The following STARD13 variants were observed in gnomAD, a reference collection of about 807,000 sequenced individuals.
STARD13 encodes stAR-related lipid transfer protein 13.
Under a neutral mutation model 106.4 loss-of-function variants are expected in STARD13, and 62 were observed. The ratio of observed to expected loss-of-function variants is 0.58; its 90% CI spans 0.48 to 0.72. The LOEUF is 0.72. Among genes scored for constraint, STARD13 ranks in the 30% least tolerant of loss-of-function variants. STARD13 has a pLI of 0.00. For missense variants in STARD13, 1,387 were observed against 1,424.0 expected, an observed-to-expected ratio of 0.97 and a Z score of 0.42; for synonymous variants, 565 against 553.0, an observed-to-expected ratio of 1.02 and a Z score of -0.31.
the STARD13 span, among the ~76,000 whole-genome samples, chr13:33,657,228 C>A: frequency 5.3e-5 from 8 of 152,316 alleles, no homozygotes; most frequent in East Asian, 1.5e-3. Context: ...AGAGATTGTG[C>A]CACTGCACTC....
the STARD13 span, among the ~76,000 whole-genome samples, chr13:33,361,330 T>C: frequency 6.0e-5 from 2 of 33,362 alleles, no homozygotes; most frequent in Non-Finnish European, 4.3e-3. Flanking sequence ...TGAAAGAATA[T>C]AATATATAAT....
the STARD13 span, chr13:33,439,727 G>A: frequency 8.0e-7 from 1 of 1,249,898 alleles, no homozygotes; most frequent in African/African-American, 1.6e-5. Flanking sequence ...GAGAGCACCT[G>A]TAAAAAAACA....
the STARD13 span, among the ~76,000 whole-genome samples, chr13:33,670,162 G>C: frequency 1.3e-5 from 2 of 152,160 alleles, no homozygotes; most frequent in African/African-American, 2.4e-5. Flanking sequence ...ATGAGACTAC[G>C]ATACAGGCTG....
chr13:33,294,768 T>C (rs1372458382), intron 1 of STARD13, among the ~76,000 whole-genome samples: 1 of 152,224 alleles, frequency 6.6e-6, no homozygotes, highest in Non-Finnish European at 1.5e-5. Flanking sequence ...TTACTTCAGG[T>C]AGGATTCTAT....
chr13:33,188,730 A>C (rs1885989722), intron 1 of STARD13, among the ~76,000 whole-genome samples: 2 of 152,240 alleles, frequency 1.3e-5, no homozygotes, highest in African/African-American at 4.8e-5. Flanking sequence ...TGCATTGAAA[A>C]AGCAGTTTGG....
chr13:33,116,264 C>T (rs533312489), intron 8 of STARD13, among the ~76,000 whole-genome samples: 125 of 152,324 alleles, frequency 8.2e-4, no homozygotes, highest in African/African-American at 2.9e-3. Context: ...AAATGTGTTC[C>T]TCACATATCT....
rs186934300 is a variant in STARD13, at chr13:33,134,856, C to T, written c.388-4567G>A. Among the ~76,000 whole-genome samples, 533 of 152,290 alleles carry T rather than the reference C, an allele frequency of 3.5e-3. 3 individuals carry two copies. The highest frequency in any genetic ancestry group is 0.012 in the African/African-American group (498 of 41,566). On this transcript the variant is annotated intron_variant, in intron 4 of 13. Transcript: ENST00000336934. ...CAATTACAGGATCTTCAGGATAAAACGAACATAGTTCAACAGCCCTTCCTG... is the reference window on the plus strand; with the variant it reads ...CAATTACAGGATCTTCAGGATAAAATGAACATAGTTCAACAGCCCTTCCTG...
At chr13:33,563,065 T>C in the STARD13 span, among the ~76,000 whole-genome samples, 1 of 146,826 alleles carries the variant, frequency 6.8e-6, no homozygotes, top group Admixed American at 7.0e-5. Context: ...CAGGGAAAAC[T>C]ATAAAACACT....
At chr13:33,208,270 C>A (rs906689531) in intron 1 of STARD13, among the ~76,000 whole-genome samples, 1 of 152,134 alleles carries the variant, frequency 6.6e-6, no homozygotes, top group African/African-American at 2.4e-5. Flanking sequence ...GTGGGAGAAT[C>A]TAGAAAACAT....
At chr13:33,344,994 C>G (rs895698834), downstream of STARD13, among the ~76,000 whole-genome samples, 2 of 152,150 alleles carry the variant, frequency 1.3e-5, no homozygotes, top group Non-Finnish European at 2.9e-5. Flanking sequence ...ATGCTTCTGC[C>G]TAAAGAATTT....
chr13:33,624,168 A>C, the STARD13 span, among the ~76,000 whole-genome samples: 1 of 152,234 alleles, frequency 6.6e-6, no homozygotes, highest in African/African-American at 2.4e-5. Context: ...TACTTTATTC[A>C]TAATAGTTAT....
chr13:33,198,476 T>G (rs1269960111), intron 1 of STARD13, among the ~76,000 whole-genome samples: 1 of 152,094 alleles, frequency 6.6e-6, no homozygotes, highest in East Asian at 1.9e-4. Context: ...TTCCCTCAAG[T>G]TCTTTCTCCA....
chr13:33,457,331 A>G, the STARD13 span, among the ~76,000 whole-genome samples: 1 of 152,240 alleles, frequency 6.6e-6, no homozygotes. Context: ...AGCAATGCCA[A>G]GTTTCAGTGG....
chr13:33,537,339 C>T, the STARD13 span, among the ~76,000 whole-genome samples: 1 of 152,240 alleles, frequency 6.6e-6, no homozygotes, highest in Non-Finnish European at 1.5e-5. Flanking sequence ...CAAGTTATGA[C>T]TAACATTCCC....
At chr13:33,538,806 G>A in the STARD13 span, among the ~76,000 whole-genome samples, 7 of 147,450 alleles carry the variant, frequency 4.7e-5, no homozygotes, top group South Asian at 1.5e-3. Context: ...GTCTGGCTCT[G>A]TGACCCAGGC....
the STARD13 span, among the ~76,000 whole-genome samples, chr13:33,526,764 T>C: frequency 1.3e-5 from 2 of 152,088 alleles, no homozygotes; most frequent in East Asian, 3.9e-4. Context: ...CTTTTAAAAG[T>C]GTGTGGCACA....
At chr13:33,383,857 C>G in the STARD13 span, among the ~76,000 whole-genome samples, 1 of 149,830 alleles carries the variant, frequency 6.7e-6, no homozygotes, top group African/African-American at 2.5e-5. Flanking sequence ...TTTTCTCCTT[C>G]GTGAGTTTGT....
chr13:33,666,223 A>G, the STARD13 span, among the ~76,000 whole-genome samples: 1 of 152,218 alleles, frequency 6.6e-6, no homozygotes, highest in Admixed American at 6.5e-5. Flanking sequence ...TTGTTGTTTT[A>G]ATGTTACTAA....
At chr13:33,604,323 A>G in the STARD13 span, among the ~76,000 whole-genome samples, 2 of 152,236 alleles carry the variant, frequency 1.3e-5, no homozygotes, top group Non-Finnish European at 2.9e-5. Context: ...ATGTAGTACA[A>G]TTAATGCCAA....
Sources: gnomAD v4.1 joint callset for allele counts (sites outside exome capture counted in the v4.1 genomes callset) on GRCh38, gnomAD v4.1.1 for gene constraint, MANE v1.5 for transcripts, NCBI Gene and HGNC (gene_info 2026-07-23, HGNC 2026-07-21) for gene names.